The following CNTN4 variants were observed in gnomAD, a reference collection of about 807,000 sequenced individuals.
CNTN4 encodes contactin-4.
In CNTN4, 77 loss-of-function variants were observed where a neutral mutation model predicts 122.5. That is an observed-to-expected ratio of 0.63 (90% CI 0.52 to 0.76). CNTN4 has a LOEUF of 0.76. CNTN4 is among the 30% of genes least tolerant of loss of function. CNTN4 has a pLI of 0.00. For synonymous variants in CNTN4, 512 were observed against 447.0 expected (o/e 1.15, Z -1.83); for missense variants, 1,256 against 1,259.1 (o/e 1.00, Z 0.04).
chr3:2,222,283 A>G (rs1398327934), intron 2 of CNTN4, among the ~76,000 whole-genome samples: 1 of 152,206 alleles, frequency 6.6e-6, no homozygotes, highest in Non-Finnish European at 1.5e-5. Context: ...AGTGAAAGAA[A>G]GTAGTCACAA....
chr3:2,601,469 A>T (rs2081044027), intron 4 of CNTN4, among the ~76,000 whole-genome samples: 1 of 152,144 alleles, frequency 6.6e-6, no homozygotes, highest in African/African-American at 2.4e-5. Context: ...TCCTTTCCTC[A>T]TTCCTTGTTT....
chr3:2,468,796 A>C (rs1575699716), intron 3 of CNTN4, among the ~76,000 whole-genome samples: 1 of 152,158 alleles, frequency 6.6e-6, no homozygotes, highest in East Asian at 1.9e-4. Flanking sequence ...TCATTCTATC[A>C]GAATCACATC....
chr3:2,706,905 A>G (rs1255647452), intron 4 of CNTN4, among the ~76,000 whole-genome samples: 1 of 152,086 alleles, frequency 6.6e-6, no homozygotes, highest in East Asian at 1.9e-4. Flanking sequence ...TTAAATTGTA[A>G]TGAAATTTGA....
chr3:2,292,672 G>C (rs1295745362), intron 2 of CNTN4, among the ~76,000 whole-genome samples: 1 of 152,096 alleles, frequency 6.6e-6, no homozygotes, highest in African/African-American at 2.4e-5. Context: ...GAAGCATATA[G>C]TATATACTCT....
intron 7 of CNTN4, among the ~76,000 whole-genome samples, chr3:2,856,383 A>C (rs2093618246): frequency 6.6e-6 from 1 of 152,204 alleles, no homozygotes. Flanking sequence ...GGCTTTTTGC[A>C]AAAGGTGGTG....
chr3:2,614,454 T>C (rs931035915), intron 4 of CNTN4, among the ~76,000 whole-genome samples: 9 of 152,122 alleles, frequency 5.9e-5, no homozygotes, highest in African/African-American at 2.2e-4. Flanking sequence ...ATGGGAACAG[T>C]ATCATAGGGA....
chr3:2,265,840 G>A (rs1004802918), intron 2 of CNTN4, among the ~76,000 whole-genome samples: 1 of 151,300 alleles, frequency 6.6e-6, no homozygotes, highest in African/African-American at 2.4e-5. Context: ...TTGTAAATAG[G>A]ATTGCTTTCT....
chr3:2,409,542 C>T (rs779093088), intron 3 of CNTN4, among the ~76,000 whole-genome samples: 2 of 152,026 alleles, frequency 1.3e-5, no homozygotes, highest in Non-Finnish European at 2.9e-5. Context: ...CCACTGTGCT[C>T]GGCCTCTAGA....
At chr3:2,382,839 C>T (rs944727372) in intron 3 of CNTN4, among the ~76,000 whole-genome samples, 6 of 152,160 alleles carry the variant, frequency 3.9e-5, no homozygotes, top group South Asian at 2.1e-4. Flanking sequence ...TTCGGGAGGC[C>T]GAGGCGGGCG....
In CNTN4 at chr3:2,580,449, A is replaced by G. The variant is rs1177853637; in HGVS notation, c.55+8891A>G. ...GATAACTTTGTAAATGCATTTTGCA[A>G]CAACAACTAACATAAAGAAAATAGC... is the stretch of plus-strand genomic sequence containing the variant. On this transcript the variant is annotated intron_variant, in intron 4 of 24. Coordinates refer to ENST00000418658, the MANE Select transcript of CNTN4 (RefSeq NM_175607.3). Among the ~76,000 whole-genome samples the G allele has an allele frequency of 2.0e-5, 3 of 152,308 alleles. 1 individual carries two copies. Among genetic ancestry groups the G allele is most frequent in the Admixed American group, 1.3e-4 (2 of 15,286 alleles).
At chr3:2,840,109 A>G (rs113372161) in intron 7 of CNTN4, among the ~76,000 whole-genome samples, 3,167 of 152,220 alleles carry the variant, frequency 0.021, 35 homozygotes, top group Non-Finnish European at 0.03. Context: ...GCCCAACCCA[A>G]TAACTTCTCA....
chr3:2,862,035 G>A (rs1055400459), intron 7 of CNTN4, among the ~76,000 whole-genome samples: 3 of 152,186 alleles, frequency 2.0e-5, no homozygotes, highest in Admixed American at 6.5e-5. Context: ...CTTGTCAAAT[G>A]TGTGATCATG....
Position 3,056,399 on chromosome 3 carries a change from T to C in CNTN4, c.*179T>C. On this transcript the variant is annotated 3_prime_UTR_variant, in exon 25 of 25. Transcript: ENST00000418658. ...TACTTCCTCAAAGCAAATCTAGCTT[T>C]GTCTGAAGTTTCTTTGGAAACTCTG... 1 of 584,322 alleles carries C rather than the reference T, an allele frequency of 1.7e-6. No homozygotes were observed. Among genetic ancestry groups the C allele is most frequent in the Non-Finnish European group, 3.1e-6 (1 of 326,140 alleles). The allele number at this position is 584,322 out of a possible 1,614,324, so 36.2% of individuals were successfully genotyped here. A position where few individuals can be genotyped will look rare whatever the true frequency, so the allele number is the denominator to read the frequency against.
intron 12 of CNTN4, among the ~76,000 whole-genome samples, chr3:2,906,908 T>A (rs759749722): frequency 5.3e-5 from 8 of 151,776 alleles, no homozygotes; most frequent in Admixed American, 1.3e-4. Context: ...AAGGACCAAT[T>A]TTGGAGATTC....
rs115957173 is a variant in CNTN4, at chr3:2,956,035, C to A, written c.1358+30256C>A. Among the ~76,000 whole-genome samples, 517 of 152,236 alleles carry A rather than the reference C, an allele frequency of 3.4e-3. 4 individuals carry two copies. Among genetic ancestry groups the A allele is most frequent in the African/African-American group, 0.012 (487 of 41,546 alleles). ...ATGCATAATAATCAAAAAGTGGAAACAGCCCAAATGTCTATTGATAGAAGA... is the reference window on the plus strand; with the variant it reads ...ATGCATAATAATCAAAAAGTGGAAAAAGCCCAAATGTCTATTGATAGAAGA... On this transcript the variant is annotated intron_variant, in intron 13 of 24. Transcript: ENST00000418658.
At chr3:2,334,020 C>A (rs1016764288) in intron 2 of CNTN4, among the ~76,000 whole-genome samples, 12 of 152,098 alleles carry the variant, frequency 7.9e-5, no homozygotes, top group African/African-American at 2.9e-4. Flanking sequence ...AATACAATGG[C>A]CTTTAAGAAT....
rs750544371 is a variant in CNTN4 at position 2,902,836 on chromosome 3, T to C, written c.1078-40T>C. 6 of 1,599,638 alleles carry C rather than the reference T, an allele frequency of 3.8e-6. No individual in the cohort carries two copies. The South Asian group carries it at 4.5e-5, about 12-fold the overall frequency. Reference sequence around the variant, plus strand: ...TAAAATTGCCTTAAAGTCTCAGTTGTAGAAGGTCATTGTTTTTATGTTCCT... The same window carrying C: ...TAAAATTGCCTTAAAGTCTCAGTTGCAGAAGGTCATTGTTTTTATGTTCCT... On this transcript the variant is annotated intron_variant, in intron 11 of 24. Transcript: ENST00000418658.
intron 21 of CNTN4, chr3:3,042,731 A>G: frequency 1.7e-6 from 1 of 591,302 alleles, no homozygotes; most frequent in Non-Finnish European, 3.0e-6. Context: ...CATGGGAAAA[A>G]AGAAAATAAT....
intron 3 of CNTN4, among the ~76,000 whole-genome samples, chr3:2,399,611 A>C (rs73104031): frequency 0.013 from 2,032 of 152,110 alleles, 40 homozygotes; most frequent in African/African-American, 0.04. Context: ...TATTGTGAGA[A>C]TTGAATGAGA....
Sources: allele counts gnomAD v4.1 joint callset (sites outside exome capture counted in the v4.1 genomes callset), GRCh38; gene constraint gnomAD v4.1.1; transcripts MANE v1.5; gene names NCBI Gene and HGNC (gene_info 2026-07-23, HGNC 2026-07-21).